Variants in MGAT4C observed in about 807,000 individuals in gnomAD.
MGAT4C encodes MGAT4 family member C, also known as alpha-1,3-mannosyl-glycoprotein 4-beta-N-acetylglucosaminyltransferase C.
MGAT4C carries 19 observed loss-of-function variants against 40.1 expected under a neutral mutation model. The ratio of observed to expected loss-of-function variants is 0.47; its 90% CI spans 0.33 to 0.70. MGAT4C has a LOEUF of 0.70. Among genes scored for constraint, MGAT4C ranks in the 30% least tolerant of loss-of-function variants. The probability of loss-of-function intolerance (pLI) is 0.02; values close to 1 mark genes in which losing one functional copy is unlikely to be tolerated. For synonymous variants in MGAT4C, 181 were observed against 187.1 expected (o/e 0.97, Z 0.27); for missense variants, 491 against 563.2 (o/e 0.87, Z 1.30).
At chr12:86,834,752 G>A in intron 1 of MGAT4C, among the ~76,000 whole-genome samples, 1 of 151,792 alleles carries the variant, frequency 6.6e-6, no homozygotes. Context: ...TTTTATAAAT[G>A]AAGTCAGATG....
At chr12:86,762,563 G>A (rs1006803330) in intron 1 of MGAT4C, among the ~76,000 whole-genome samples, 19 of 152,162 alleles carry the variant, frequency 1.2e-4, no homozygotes, top group East Asian at 5.8e-4. Flanking sequence ...ACAATTTCTC[G>A]CATCATTATG....
At chr12:86,238,571 A>G (rs922113877) in intron 1 of MGAT4C, among the ~76,000 whole-genome samples, 6 of 152,074 alleles carry the variant, frequency 3.9e-5, no homozygotes, top group Non-Finnish European at 8.8e-5. Flanking sequence ...ATATAGCTTC[A>G]TAGTAGATCT....
At chr12:86,279,087 T>C (rs1364060640) in intron 4 of MGAT4C, among the ~76,000 whole-genome samples, 1 of 152,182 alleles carries the variant, frequency 6.6e-6, no homozygotes, top group African/African-American at 2.4e-5. Flanking sequence ...ATCATGGACA[T>C]TGGCCTGTAG....
intron 1 of MGAT4C, among the ~76,000 whole-genome samples, chr12:86,116,942 T>C (rs1332790341): frequency 1.3e-5 from 2 of 152,114 alleles, no homozygotes; most frequent in Non-Finnish European, 2.9e-5. Flanking sequence ...CATTGTTAGG[T>C]AAATTTGTAT....
chr12:86,176,930 C>T (rs17013683), intron 1 of MGAT4C, among the ~76,000 whole-genome samples: 6,370 of 150,516 alleles, frequency 0.042, 359 homozygotes, highest in East Asian at 0.29. Flanking sequence ...CAAAAGCTTA[C>T]TATGTAGCAA....
At chr12:86,782,928 TA>T (rs1951869491) in intron 1 of MGAT4C, among the ~76,000 whole-genome samples, 1 of 152,190 alleles carries the variant, frequency 6.6e-6, no homozygotes, top group African/African-American at 2.4e-5. Flanking sequence ...TTCTGTTGTT[TA>T]ATCCAAACCG....
chr12:86,547,773 A>G (rs1425666884), intron 2 of MGAT4C, among the ~76,000 whole-genome samples: 2 of 152,142 alleles, frequency 1.3e-5, no homozygotes, highest in African/African-American at 4.8e-5. Context: ...GTCTTGTCTG[A>G]TTAGGCAAAC....
Position 86,070,822 on chromosome 12 carries a change from T to C in MGAT4C, c.-56-21099A>G, listed in dbSNP as rs191337061. Among the ~76,000 whole-genome samples the C allele has an allele frequency of 5.3e-5, 8 of 152,108 alleles. No individual in the cohort carries two copies. The East Asian group carries it at 1.5e-3, about 29-fold the overall frequency. ...TTGTAGTTGAGTTCTAACAATGTAG[T>C]TAATTATTGATTTTTAAAAAAACAT... On this transcript the variant is annotated intron_variant, in intron 1 of 4. Coordinates refer to ENST00000611864, the MANE Select transcript of MGAT4C (RefSeq NM_001351288.2).
At chr12:86,280,058 A>G (rs1317360466) in intron 4 of MGAT4C, among the ~76,000 whole-genome samples, 1 of 152,094 alleles carries the variant, frequency 6.6e-6, no homozygotes, top group African/African-American at 2.4e-5. Context: ...ATGGTCTAAC[A>G]TTGAGAATGA....
intron 1 of MGAT4C, among the ~76,000 whole-genome samples, chr12:86,809,472 G>A (rs1417947421): frequency 6.6e-6 from 1 of 151,940 alleles, no homozygotes; most frequent in African/African-American, 2.4e-5. Flanking sequence ...GGTTCCCAGA[G>A]TATATCCACC....
chr12:86,488,167 G>A (rs73191482), intron 2 of MGAT4C, among the ~76,000 whole-genome samples: 15,235 of 151,426 alleles, frequency 0.1, 1,003 homozygotes, highest in Middle Eastern at 0.25. Context: ...AGAGGATAGT[G>A]TGGACCTACA....
Position 85,989,555 on chromosome 12 carries a change from G to A in MGAT4C, c.-6-3C>T. 1 of 1,586,042 alleles carries A rather than the reference G, an allele frequency of 6.3e-7. No homozygotes were observed. Among genetic ancestry groups the A allele is most frequent in the South Asian group, 1.2e-5 (1 of 84,828 alleles). On this transcript the variant is annotated splice_region_variant and splice_polypyrimidine_tract_variant and intron_variant, in intron 2 of 4. Coordinates refer to ENST00000611864, the MANE Select transcript of MGAT4C (RefSeq NM_001351288.2). The stretch of plus-strand genomic sequence containing the variant: ...TGATGAAATTTAAACATTCTCTTCT[G>A]TGGAAAAGAGACACAGAATTACTAG...
At chr12:86,538,389 C>A (rs576264496) in intron 2 of MGAT4C, among the ~76,000 whole-genome samples, 2 of 152,090 alleles carry the variant, frequency 1.3e-5, no homozygotes, top group African/African-American at 2.4e-5. Context: ...TGGCTGGACA[C>A]CAGGCACTAC....
intron 3 of MGAT4C, among the ~76,000 whole-genome samples, chr12:86,347,424 T>G (rs1053445511): frequency 1.3e-5 from 2 of 152,154 alleles, no homozygotes; most frequent in Admixed American, 6.6e-5. Context: ...TCGTGACTTA[T>G]AGAGAAATAT....
At chr12:86,164,475 A>G (rs1885964485) in intron 1 of MGAT4C, among the ~76,000 whole-genome samples, 1 of 152,226 alleles carries the variant, frequency 6.6e-6, no homozygotes, top group East Asian at 1.9e-4. Flanking sequence ...AAGTTGAGCA[A>G]TAACACGTAC....
chr12:86,498,670 T>C (rs1958283813), intron 2 of MGAT4C, among the ~76,000 whole-genome samples: 1 of 151,932 alleles, frequency 6.6e-6, no homozygotes, highest in African/African-American at 2.4e-5. Context: ...AGCCAGCTCC[T>C]ATTGCTATTG....
At chr12:86,533,316 C>T (rs1959014365) in intron 2 of MGAT4C, among the ~76,000 whole-genome samples, 1 of 151,972 alleles carries the variant, frequency 6.6e-6, no homozygotes, top group African/African-American at 2.4e-5. Context: ...CGTTGTCACC[C>T]ATTTTTCAAA....
intron 2 of MGAT4C, among the ~76,000 whole-genome samples, chr12:86,702,445 C>A (rs1431510542): frequency 2.0e-5 from 3 of 152,148 alleles, no homozygotes; most frequent in African/African-American, 7.2e-5. Flanking sequence ...TTCAAAGCTT[C>A]AAAGGACAGG....
At position 86,730,132 on chromosome 12, in the gene MGAT4C, A is replaced by G. The variant is rs145917844; in HGVS notation, c.-261-2891T>C. Among the ~76,000 whole-genome samples the G allele has an allele frequency of 5.5e-3, 836 of 152,214 alleles. 3 individuals are homozygous for G. Among genetic ancestry groups the G allele is most frequent in the Non-Finnish European group, 8.9e-3 (602 of 67,930 alleles). On this transcript the variant is annotated intron_variant, in intron 1 of 7. Coordinates refer to the MGAT4C transcript ENST00000548651. ...AATAGCCCCAGATTTTCATTAAAGA[A>G]GAACCAAATAAATCTGGTCGAACAT...
Sources: gnomAD v4.1 joint callset for allele counts (sites outside exome capture counted in the v4.1 genomes callset) on GRCh38, gnomAD v4.1.1 for gene constraint, MANE v1.5 for transcripts, NCBI Gene and HGNC (gene_info 2026-07-23, HGNC 2026-07-21) for gene names.